The following TMBIM4 variants were observed in gnomAD, a reference collection of about 807,000 sequenced individuals.
TMBIM4 encodes transmembrane BAX inhibitor motif containing 4.
Under a neutral mutation model 27.7 loss-of-function variants are expected in TMBIM4, and 28 were observed. The observed-to-expected ratio is 1.01, with a 90% confidence interval of 0.75 to 1.38. The LOEUF is 1.38. Among genes scored for constraint, TMBIM4 ranks in the 40% most tolerant of loss-of-function variants. The pLI, the probability that TMBIM4 is intolerant of heterozygous loss-of-function variation, is 0.00. For synonymous variants in TMBIM4, 115 were observed against 113.1 expected, an observed-to-expected ratio of 1.02 and a Z score of -0.11; for missense variants, 265 against 277.5, an observed-to-expected ratio of 0.95 and a Z score of 0.32.
At chr12:66,164,683 GA>G in intron 1 of TMBIM4, among the ~76,000 whole-genome samples, 1 of 152,328 alleles carries the variant, frequency 6.6e-6, no homozygotes, top group South Asian at 2.1e-4. Context: ...TCAGGAATAA[GA>G]CAAGGACGTT....
intron 5 of TMBIM4, among the ~76,000 whole-genome samples, chr12:66,144,038 T>C (rs2051712013): frequency 6.6e-6 from 1 of 152,178 alleles, no homozygotes; most frequent in East Asian, 1.9e-4. Context: ...AGTGGAGAAC[T>C]GGGCTGTATA....
At chr12:66,158,644 C>CA (rs71434101) in intron 1 of TMBIM4, among the ~76,000 whole-genome samples, 8,091 of 109,194 alleles carry the variant, frequency 0.074, 244 homozygotes, top group South Asian at 0.13. Flanking sequence ...GACTCTGTCT[C>CA]AAAAAAAAAA....
chr12:66,149,476 A>AT (rs201930201), intron 3 of TMBIM4, among the ~76,000 whole-genome samples: 8 of 150,498 alleles, frequency 5.3e-5, no homozygotes, highest in African/African-American at 7.4e-5. Context: ...AAAGAAAGAA[A>AT]TTTTTTTGGG....
At chr12:66,148,047 T>C in intron 3 of TMBIM4, 106 bp from the exon 4 acceptor site, 1 of 1,055,086 alleles carries the variant, frequency 9.5e-7, no homozygotes, top group Non-Finnish European at 1.4e-6. Flanking sequence ...GATCTCATTT[T>C]AGCTTCAAAG....
In TMBIM4 at chr12:66,151,099, T is replaced by C. The variant is rs541062024; in HGVS notation, c.312+1172A>G. Among the ~76,000 whole-genome samples, 3 of 152,342 alleles carry C rather than the reference T, an allele frequency of 2.0e-5. No homozygotes were observed. The South Asian group carries it at 6.2e-4, about 32-fold the overall frequency. Reference sequence around the variant, plus strand: ...AGCTTAAGATTTAAATGAATAATCTTTCCTATTACTGAAACTTTCAAAGTC... The same window carrying C: ...AGCTTAAGATTTAAATGAATAATCTCTCCTATTACTGAAACTTTCAAAGTC... On this transcript the variant is annotated intron_variant, in intron 3 of 6. Transcript: ENST00000358230.
At chr12:66,160,698 C>T (rs79097899) in intron 1 of TMBIM4, among the ~76,000 whole-genome samples, 3,083 of 152,288 alleles carry the variant, frequency 0.02, 38 homozygotes, top group Non-Finnish European at 0.032. Flanking sequence ...AAAATGCAAA[C>T]TTGGGGAGAG....
intron 1 of TMBIM4, among the ~76,000 whole-genome samples, chr12:66,161,925 C>T (rs955279230): frequency 1.3e-5 from 2 of 152,110 alleles, no homozygotes; most frequent in Non-Finnish European, 2.9e-5. Flanking sequence ...GAAGAGCAGC[C>T]AACTATGCCT....
At chr12:66,163,754 T>C (rs1470678837) in intron 1 of TMBIM4, among the ~76,000 whole-genome samples, 3 of 152,162 alleles carry the variant, frequency 2.0e-5, no homozygotes, top group Admixed American at 1.3e-4. Flanking sequence ...AAGAGACATA[T>C]ACTTTAGAAA....
chr12:66,139,141 A>G (rs2051626066), intron 5 of TMBIM4, among the ~76,000 whole-genome samples: 1 of 152,246 alleles, frequency 6.6e-6, no homozygotes, highest in African/African-American at 2.4e-5. Context: ...GCACTTTTAA[A>G]CCAAGTAATA....
intron 2 of TMBIM4, among the ~76,000 whole-genome samples, chr12:66,152,803 GA>G (rs952478830): frequency 6.6e-6 from 1 of 152,034 alleles, no homozygotes; most frequent in African/African-American, 2.4e-5. Flanking sequence ...GGGGAGAAGG[GA>G]AGGGAGGACA....
intron 1 of TMBIM4, among the ~76,000 whole-genome samples, chr12:66,168,171 T>G (rs1301157034): frequency 1.3e-5 from 2 of 150,092 alleles, no homozygotes; most frequent in Admixed American, 1.3e-4. Flanking sequence ...CAGTGAGCAG[T>G]GATCTCACCA....
intron 1 of TMBIM4, among the ~76,000 whole-genome samples, chr12:66,166,269 A>G (rs547400065): frequency 7.5e-4 from 114 of 152,166 alleles, no homozygotes; most frequent in African/African-American, 2.1e-3. Context: ...GTTTGAGACC[A>G]GCCTGACTAA....
At chr12:66,155,477 C>T (rs1265121667) in intron 1 of TMBIM4, among the ~76,000 whole-genome samples, 1 of 151,994 alleles carries the variant, frequency 6.6e-6, no homozygotes, top group Non-Finnish European at 1.5e-5. Context: ...GTAGCTAGTA[C>T]TACAGGTGCA....
chr12:66,159,951 A>G (rs1442298798), intron 1 of TMBIM4, among the ~76,000 whole-genome samples: 4 of 152,384 alleles, frequency 2.6e-5, no homozygotes, highest in Non-Finnish European at 1.5e-5. Flanking sequence ...AGACATAGAA[A>G]TTAACACATG....
chr12:66,143,191 A>C (rs189785577), intron 5 of TMBIM4, among the ~76,000 whole-genome samples: 345 of 152,310 alleles, frequency 2.3e-3, no homozygotes, highest in Non-Finnish European at 4.0e-3. Flanking sequence ...TTGTTAGTTC[A>C]CTCTACTCTG....
At chr12:66,145,733 C>G (rs1203338937) in intron 5 of TMBIM4, 108 bp downstream of exon 5, 1 of 631,668 alleles carries the variant, frequency 1.6e-6, no homozygotes, top group Non-Finnish European at 2.8e-6. Context: ...TTATTACCCT[C>G]CATTTTAAAA....
intron 3 of TMBIM4, among the ~76,000 whole-genome samples, chr12:66,151,745 T>C (rs2051848323): frequency 6.6e-6 from 1 of 152,206 alleles, no homozygotes; most frequent in African/African-American, 2.4e-5. Flanking sequence ...TGACTTAAAG[T>C]TGGGTTCTCC....
intron 1 of TMBIM4, among the ~76,000 whole-genome samples, chr12:66,160,654 A>G (rs900834761): frequency 6.6e-6 from 1 of 152,148 alleles, no homozygotes; most frequent in African/African-American, 2.4e-5. Flanking sequence ...TTCTCACATA[A>G]TTTTTTTTAA....
intron 4 of TMBIM4, 26 bp downstream of exon 4, chr12:66,147,882 C>T (rs1415297260): frequency 6.3e-7 from 1 of 1,599,484 alleles, no homozygotes; most frequent in Non-Finnish European, 8.5e-7. Context: ...GTTATTATAA[C>T]ATATAGAAAT....
Sources: allele counts gnomAD v4.1 joint callset (sites outside exome capture counted in the v4.1 genomes callset), GRCh38; gene constraint gnomAD v4.1.1; transcripts MANE v1.5; gene names NCBI Gene and HGNC (gene_info 2026-07-23, HGNC 2026-07-21).